The following ADGRE1 variants were observed in gnomAD, a reference collection of about 807,000 sequenced individuals.
ADGRE1 encodes EGF-like module receptor 1.
In ADGRE1, 82 loss-of-function variants were observed where a neutral mutation model predicts 102.7. The observed-to-expected ratio is 0.80, with a 90% CI of 0.67 to 0.96. The LOEUF (loss-of-function observed/expected upper bound fraction) is 0.96, where lower values mean the gene tolerates loss of function less well. Among genes scored for constraint, ADGRE1 ranks in the 40% least tolerant of loss-of-function variants. ADGRE1 has a pLI of 0.00. For synonymous variants in ADGRE1, 398 were observed against 399.6 expected (o/e 1.00, Z 0.05); for missense variants, 1,032 against 1,085.3 (o/e 0.95, Z 0.69).
At chr19:6,891,636 A>G (rs1973379666) in intron 2 of ADGRE1, among the ~76,000 whole-genome samples, 1 of 151,774 alleles carries the variant, frequency 6.6e-6, no homozygotes, top group Non-Finnish European at 1.5e-5. Context: ...TTGTATTTTT[A>G]GTAGAGACGG....
intron 20 of ADGRE1, among the ~76,000 whole-genome samples, chr19:6,938,982 G>A (rs568944329): frequency 2.6e-5 from 4 of 151,992 alleles, no homozygotes; most frequent in African/African-American, 7.2e-5. Context: ...TTTTAGTAGA[G>A]ACAGGGTTTC....
At chr19:6,922,936 G>A (rs552510316) in intron 14 of ADGRE1, among the ~76,000 whole-genome samples, 34 of 152,140 alleles carry the variant, frequency 2.2e-4, no homozygotes, top group African/African-American at 7.9e-4. Flanking sequence ...AATTAGCCGG[G>A]CGTGGTGGCG....
In ADGRE1 at chr19:6,897,537, C is replaced by T; in HGVS notation, c.504C>T (p.Ser168=). Residue 168 remains serine (S), a synonymous_variant, in exon 5 of 21, where the codon TCC becomes TCT. Coordinates refer to ENST00000312053, the MANE Select transcript of ADGRE1 (RefSeq NM_001974.5). ...SCQVGFISRN[S]TCEDVDECAD... is the part of the protein sequence containing the mutation. ...AAGTTGGATTCATCTCTAGAAACTC[C>T]ACCTGTGAAGGTATCCATGACCATC... The T allele has an allele frequency of 6.4e-7, 1 of 1,567,918 alleles. No homozygotes were observed. The highest frequency in any genetic ancestry group is 8.6e-7 in the Non-Finnish European group (1 of 1,162,818).
intron 12 of ADGRE1, among the ~76,000 whole-genome samples, chr19:6,918,430 G>T (rs760464377): frequency 3.3e-5 from 5 of 151,786 alleles, no homozygotes; most frequent in Non-Finnish European, 5.9e-5. Flanking sequence ...AACAGAGCAA[G>T]ACTCTGTCTC....
Position 6,918,827 on chromosome 19 carries a change from C to T in ADGRE1, c.1421-721C>T, listed in dbSNP as rs147986554. Among the ~76,000 whole-genome samples the T allele has an allele frequency of 7.4e-3, 1,131 of 152,154 alleles. 12 individuals are homozygous for T. The highest frequency in any genetic ancestry group is 0.026 in the African/African-American group (1,062 of 41,506). On this transcript the variant is annotated intron_variant, in intron 12 of 20. Coordinates refer to ENST00000312053, the MANE Select transcript of ADGRE1 (RefSeq NM_001974.5). ...GCAACCTCCGCCTCCCAGGTTCAAGCGATTGTCGTACCTCGGCCTCCCGAG... is the reference window on the plus strand; with the variant it reads ...GCAACCTCCGCCTCCCAGGTTCAAGTGATTGTCGTACCTCGGCCTCCCGAG...
At chr19:6,935,210 C>T (rs1033867852) in intron 18 of ADGRE1, 132 bp downstream of exon 18, 4 of 501,306 alleles carry the variant, frequency 8.0e-6, no homozygotes, top group Non-Finnish European at 1.3e-5. Flanking sequence ...TAGCATATCA[C>T]ACCATCTAGA....
chr19:6,895,826 C>G (rs1217686887), intron 2 of ADGRE1: 1 of 152,294 alleles, frequency 6.6e-6, no homozygotes, highest in African/African-American at 2.4e-5. Flanking sequence ...AGACCCTACT[C>G]TGAGTAGAAA....
intron 1 of ADGRE1, 123 bp from the exon 2 acceptor site, chr19:6,890,358 G>A: frequency 1.2e-6 from 1 of 832,232 alleles, no homozygotes; most frequent in East Asian, 2.7e-5. Flanking sequence ...TTGTCATCTA[G>A]CCTCTTCAAA....
chr19:6,920,886 A>AT (rs946792829), intron 13 of ADGRE1, among the ~76,000 whole-genome samples: 46 of 152,084 alleles, frequency 3.0e-4, no homozygotes, highest in African/African-American at 1.1e-3. Flanking sequence ...GGTTTTTATG[A>AT]TTTTTTCTCC....
At chr19:6,902,293 C>T (rs1599722329) in intron 6 of ADGRE1, among the ~76,000 whole-genome samples, 1 of 152,206 alleles carries the variant, frequency 6.6e-6, no homozygotes, top group East Asian at 1.9e-4. Flanking sequence ...AGGAGGGGCA[C>T]CATTCAGTCC....
At chr19:6,938,481 G>GT (rs1439869262) in intron 20 of ADGRE1, among the ~76,000 whole-genome samples, 1 of 151,778 alleles carries the variant, frequency 6.6e-6, no homozygotes, top group African/African-American at 2.4e-5. Flanking sequence ...GGCAAAGCTG[G>GT]TTTTCCCACT....
At chr19:6,907,940 G>C (rs1316018050) in intron 9 of ADGRE1, among the ~76,000 whole-genome samples, 4 of 152,118 alleles carry the variant, frequency 2.6e-5, no homozygotes, top group Non-Finnish European at 5.9e-5. Flanking sequence ...ATCACTGGTT[G>C]GGAACAGGCC....
At chr19:6,928,314 A>G (rs762018821) in intron 17 of ADGRE1, 103 bp downstream of exon 17, 3 of 1,600,694 alleles carry the variant, frequency 1.9e-6, no homozygotes, top group Non-Finnish European at 1.7e-6. Context: ...TGAGAGGGTC[A>G]CTTATTCCCA....
chr19:6,915,920 C>CAAAAAAAAA (rs67370670), intron 11 of ADGRE1, among the ~76,000 whole-genome samples: 3 of 59,168 alleles, frequency 5.1e-5, no homozygotes, highest in African/African-American at 2.4e-4. Context: ...GACTCCGTCT[C>CAAAAAAAAA]AAAAAAAAAA....
intron 14 of ADGRE1, among the ~76,000 whole-genome samples, chr19:6,924,089 C>T (rs1974782736): frequency 2.0e-5 from 3 of 151,410 alleles, no homozygotes; most frequent in African/African-American, 7.3e-5. Flanking sequence ...CCAGGTATTT[C>T]AAGCAGAAAG....
chr19:6,922,716 A>T (rs988914086), intron 14 of ADGRE1, among the ~76,000 whole-genome samples: 2 of 152,112 alleles, frequency 1.3e-5, no homozygotes, highest in African/African-American at 4.8e-5. Context: ...TGAGGAAACA[A>T]TATGAAATAA....
chr19:6,938,855 G>A (rs1221334976), intron 20 of ADGRE1, among the ~76,000 whole-genome samples: 1 of 151,064 alleles, frequency 6.6e-6, no homozygotes, highest in African/African-American at 2.4e-5. Flanking sequence ...GAGTGCAGTG[G>A]TGTGATCTTG....
chr19:6,913,722 A>G lies in ADGRE1; in HGVS notation c.1192A>G (p.Thr398Ala), dbSNP rs749007179. Residue 398 changes from threonine to alanine, a missense_variant, in exon 11 of 21, where the codon ACG becomes GCG. Thr to Ala is a moderately conservative substitution (Grantham distance 58). Transcript: ENST00000312053. ...STWTKFTKEETSSLATVFLES... is the reference protein window; with the variant it reads ...STWTKFTKEEASSLATVFLES... The stretch of plus-strand genomic sequence containing the variant: ...GTGGACTAAATTCACCAAGGAAGAG[A>G]CGTCCTCCCTGGCCACAGTCTTCCT... 6.2e-7 allele frequency: 1 copy of G among 1,613,532 alleles called. No homozygotes were observed. Among genetic ancestry groups the G allele is most frequent in the Non-Finnish European group, 8.5e-7 (1 of 1,179,700 alleles).
chr19:6,912,967 C>T (rs1663052394), intron 10 of ADGRE1, among the ~76,000 whole-genome samples: 1 of 152,194 alleles, frequency 6.6e-6, no homozygotes, highest in African/African-American at 2.4e-5. Flanking sequence ...CAAGATCTCA[C>T]TCTGTCACCC....
Sources: gnomAD v4.1 joint callset for allele counts (sites outside exome capture counted in the v4.1 genomes callset) on GRCh38, gnomAD v4.1.1 for gene constraint, MANE v1.5 for transcripts, NCBI Gene and HGNC (gene_info 2026-07-23, HGNC 2026-07-21) for gene names.